LHFPL2: variants seen among roughly 807,000 people sequenced by gnomAD.
LHFPL2 encodes the protein LHFPL tetraspan subfamily member 2 protein.
A neutral mutation model predicts 17.5 loss-of-function variants in LHFPL2; 7 were observed. The observed-to-expected ratio is 0.40, with a 90% CI of 0.23 to 0.75. The LOEUF is 0.75. Among genes scored for constraint, LHFPL2 ranks in the 30% least tolerant of loss-of-function variants. LHFPL2 has a pLI of 0.37. For missense variants in LHFPL2, 241 were observed against 294.8 expected (o/e 0.82, Z 1.34); for synonymous variants, 134 against 116.2 (o/e 1.15, Z -0.99).
chr5:78,615,669 C>T (rs1421396115), intron 2 of LHFPL2, among the ~76,000 whole-genome samples: 1 of 152,164 alleles, frequency 6.6e-6, no homozygotes, highest in Non-Finnish European at 1.5e-5. Context: ...TCTAAAAGAA[C>T]TCAGATTGTC....
At chr5:78,510,697 CT>C (rs1244091493) in intron 3 of LHFPL2, among the ~76,000 whole-genome samples, 2 of 152,252 alleles carry the variant, frequency 1.3e-5, no homozygotes, top group African/African-American at 4.8e-5. Context: ...TGCTGCTGCA[CT>C]TTTAGGACAG....
intron 2 of LHFPL2, among the ~76,000 whole-genome samples, chr5:78,573,488 T>G (rs1757054905): frequency 6.6e-6 from 1 of 152,198 alleles, no homozygotes; most frequent in Non-Finnish European, 1.5e-5. Flanking sequence ...TTAGAAGAGT[T>G]GGTCAGGGAA....
At chr5:78,514,145 T>C (rs1755219036) in intron 3 of LHFPL2, among the ~76,000 whole-genome samples, 1 of 152,326 alleles carries the variant, frequency 6.6e-6, no homozygotes, top group South Asian at 2.1e-4. Flanking sequence ...TTAACCATAA[T>C]GCCTGCTTCC....
At chr5:78,550,469 G>A (rs572118880) in intron 3 of LHFPL2, among the ~76,000 whole-genome samples, 1 of 152,336 alleles carries the variant, frequency 6.6e-6, no homozygotes, top group Non-Finnish European at 1.5e-5. Context: ...TATGCATGGA[G>A]AGGGAGAGCG....
At chr5:78,611,537 C>T (rs1744423318) in intron 2 of LHFPL2, among the ~76,000 whole-genome samples, 1 of 152,142 alleles carries the variant, frequency 6.6e-6, no homozygotes, top group Non-Finnish European at 1.5e-5. Context: ...GGAAGTCCCT[C>T]CGGAGAAGCC....
chr5:78,527,369 T>TTTG (rs1554053273), intron 3 of LHFPL2, among the ~76,000 whole-genome samples: 2 of 147,624 alleles, frequency 1.4e-5, no homozygotes, highest in African/African-American at 5.1e-5. Flanking sequence ...AGGAGTTTTT[T>TTTG]TTTTTTTTTT....
At chr5:78,561,859 CAG>C (rs1320409818) in intron 3 of LHFPL2, among the ~76,000 whole-genome samples, 2 of 152,164 alleles carry the variant, frequency 1.3e-5, no homozygotes, top group East Asian at 1.9e-4. Flanking sequence ...GATTTAATCC[CAG>C]AGAGTCTGGA....
In LHFPL2 at chr5:78,491,056, T is replaced by C. The variant is rs150724278; in HGVS notation, c.431-1903A>G. 10 of 152,314 alleles carry C rather than the reference T, an allele frequency of 6.6e-5. No individual in the cohort carries two copies. In the East Asian group the frequency reaches 1.2e-3, roughly 18 times the overall value. 9.4% of individuals were successfully genotyped at this position (152,314 alleles called of 1,614,324 possible). A position where few individuals can be genotyped will look rare whatever the true frequency, so the allele number is the denominator to read the frequency against. On this transcript the variant is annotated intron_variant, in intron 4 of 4. Transcript: ENST00000380345. ...TGGCAGTATGAGGCGTGAAGGAAGA[T>C]TGGGGACAGTGTTTCAACTTACACA...
At chr5:78,620,315 T>G (rs1377855784) in intron 2 of LHFPL2, among the ~76,000 whole-genome samples, 1 of 152,200 alleles carries the variant, frequency 6.6e-6, no homozygotes, top group Non-Finnish European at 1.5e-5. Flanking sequence ...TTTTGAGAAG[T>G]GTCTGTTCAT....
chr5:78,608,088 T>TA (rs1744291319), intron 2 of LHFPL2, among the ~76,000 whole-genome samples: 1 of 152,122 alleles, frequency 6.6e-6, no homozygotes, highest in South Asian at 2.1e-4. Context: ...ATCAAGGAGA[T>TA]AAAGTTCAAA....
chr5:78,512,385 AATT>A (rs1478611418), intron 3 of LHFPL2, among the ~76,000 whole-genome samples: 6 of 150,374 alleles, frequency 4.0e-5, no homozygotes, highest in African/African-American at 7.3e-5. Flanking sequence ...CAAGCTGGAT[AATT>A]TATATCCAAC....
intron 3 of LHFPL2, among the ~76,000 whole-genome samples, chr5:78,545,523 C>T (rs965786024): frequency 3.3e-5 from 5 of 152,220 alleles, no homozygotes; most frequent in African/African-American, 1.2e-4. Context: ...CAAGCACCCA[C>T]ATAAGTTCAT....
At chr5:78,535,758 G>A (rs1755930169) in intron 3 of LHFPL2, among the ~76,000 whole-genome samples, 1 of 152,180 alleles carries the variant, frequency 6.6e-6, no homozygotes, top group African/African-American at 2.4e-5. Context: ...CTTCCTTACG[G>A]CAGGGGGAAC....
At chr5:78,507,718 C>T (rs1304357282) in intron 4 of LHFPL2, among the ~76,000 whole-genome samples, 1 of 152,074 alleles carries the variant, frequency 6.6e-6, no homozygotes, top group Non-Finnish European at 1.5e-5. Context: ...CATCTACATA[C>T]CAGCAAATCA....
intron 2 of LHFPL2, among the ~76,000 whole-genome samples, chr5:78,579,790 G>A (rs868693641): frequency 1.8e-4 from 28 of 152,132 alleles, no homozygotes; most frequent in Non-Finnish European, 1.5e-4. Context: ...TGTGAATAAT[G>A]CCGCAATAAA....
intron 1 of LHFPL2, among the ~76,000 whole-genome samples, chr5:78,647,174 G>A (rs926474831): frequency 1.3e-5 from 2 of 152,184 alleles, no homozygotes; most frequent in East Asian, 1.9e-4. Flanking sequence ...TGAGACTCTT[G>A]GATTCTATTT....
At chr5:78,500,355 T>G (rs1284893895) in intron 4 of LHFPL2, among the ~76,000 whole-genome samples, 1 of 152,196 alleles carries the variant, frequency 6.6e-6, no homozygotes, top group Non-Finnish European at 1.5e-5. Context: ...CTATCCGTGA[T>G]CCAGTGGGTG....
chr5:78,635,598 C>T (rs1225754758), intron 1 of LHFPL2, among the ~76,000 whole-genome samples: 2 of 152,186 alleles, frequency 1.3e-5, no homozygotes, highest in African/African-American at 4.8e-5. Context: ...GTCAGGAGAT[C>T]GAGACCATCC....
chr5:78,547,719 G>A (rs1160223686), intron 3 of LHFPL2, among the ~76,000 whole-genome samples: 1 of 152,208 alleles, frequency 6.6e-6, no homozygotes, highest in Non-Finnish European at 1.5e-5. Flanking sequence ...AAAGCAGCTG[G>A]AGAAAGTCAT....
Sources: allele counts gnomAD v4.1 joint callset (sites outside exome capture counted in the v4.1 genomes callset), GRCh38; gene constraint gnomAD v4.1.1; transcripts MANE v1.5; gene names NCBI Gene and HGNC (gene_info 2026-07-23, HGNC 2026-07-21).